STIM1: variants seen among roughly 807,000 people sequenced by gnomAD.
STIM1 encodes stromal interaction molecule 1.
Under a neutral mutation model 74.7 loss-of-function variants are expected in STIM1, and 25 were observed. That is an observed-to-expected ratio of 0.33 (90% CI 0.24 to 0.47). The LOEUF is 0.47. Among genes scored for constraint, STIM1 ranks in the 20% least tolerant of loss-of-function variants. The pLI is 1.00. For missense variants in STIM1, 728 were observed against 920.8 expected (o/e 0.79, Z 2.71); for synonymous variants, 328 against 348.8 (o/e 0.94, Z 0.66).
intron 2 of STIM1, among the ~76,000 whole-genome samples, chr11:4,016,966 T>G (rs1435072412): frequency 1.3e-5 from 2 of 152,210 alleles, no homozygotes; most frequent in Admixed American, 6.5e-5. Flanking sequence ...TTCCACCAGG[T>G]AGAGTCACTC....
At chr11:3,977,710 C>T (rs993201440) in intron 2 of STIM1, among the ~76,000 whole-genome samples, 6 of 152,092 alleles carry the variant, frequency 3.9e-5, no homozygotes, top group African/African-American at 1.4e-4. Flanking sequence ...GGCTTTGCCA[C>T]TTACTGGCTA....
chr11:4,049,975 CA>C (rs2133053813), intron 3 of STIM1, among the ~76,000 whole-genome samples: 1 of 152,228 alleles, frequency 6.6e-6, no homozygotes, highest in Non-Finnish European at 1.5e-5. Context: ...ACAATACTCT[CA>C]TAGACTAAGC....
chr11:3,900,595 GT>G (rs1214959627), intron 1 of STIM1, among the ~76,000 whole-genome samples: 5 of 152,164 alleles, frequency 3.3e-5, no homozygotes, highest in Non-Finnish European at 7.3e-5. Flanking sequence ...CTGTTTGTTT[GT>G]TTTTTGAGAC....
At chr11:3,954,911 A>C (rs1056920564) in intron 1 of STIM1, among the ~76,000 whole-genome samples, 1 of 152,240 alleles carries the variant, frequency 6.6e-6, no homozygotes, top group African/African-American at 2.4e-5. Context: ...TTGCTCAAGA[A>C]AAATGAAAAC....
At chr11:3,962,453 G>A (rs937767753) in intron 1 of STIM1, among the ~76,000 whole-genome samples, 41 of 147,532 alleles carry the variant, frequency 2.8e-4, no homozygotes, top group African/African-American at 8.8e-4. Flanking sequence ...TATTGTGTGT[G>A]TGTGTGTGTG....
At chr11:3,883,449 G>A (rs919004237) in intron 1 of STIM1, among the ~76,000 whole-genome samples, 2 of 152,144 alleles carry the variant, frequency 1.3e-5, no homozygotes, top group Non-Finnish European at 2.9e-5. Flanking sequence ...TCTGCCTTCC[G>A]TTCAAGCAGT....
intron 2 of STIM1, among the ~76,000 whole-genome samples, chr11:3,987,196 T>G (rs1565137707): frequency 6.6e-6 from 1 of 152,184 alleles, no homozygotes; most frequent in Non-Finnish European, 1.5e-5. Context: ...TTCAGAATAG[T>G]CAAACACATA....
At chr11:3,864,808 C>G (rs1012446459) in intron 1 of STIM1, among the ~76,000 whole-genome samples, 1 of 152,146 alleles carries the variant, frequency 6.6e-6, no homozygotes, top group African/African-American at 2.4e-5. Flanking sequence ...GGTTCTGTGG[C>G]CTTTTAGTTT....
chr11:4,041,468 T>C (rs1458315015), intron 3 of STIM1, among the ~76,000 whole-genome samples: 2 of 152,312 alleles, frequency 1.3e-5, no homozygotes, highest in East Asian at 3.9e-4. Flanking sequence ...ATTTTTATGA[T>C]GTGAAAACTC....
At chr11:4,012,418 TCTC>T (rs1238569811) in intron 2 of STIM1, among the ~76,000 whole-genome samples, 1 of 152,194 alleles carries the variant, frequency 6.6e-6, no homozygotes, top group East Asian at 1.9e-4. Flanking sequence ...TGTTTGTAGT[TCTC>T]CTTGAAGAGG....
chr11:4,067,488 AG>A (rs1329631340), intron 5 of STIM1, among the ~76,000 whole-genome samples: 1 of 152,236 alleles, frequency 6.6e-6, no homozygotes, highest in Non-Finnish European at 1.5e-5. Context: ...GGGCCATATT[AG>A]ACATCTCCAT....
chr11:3,948,215 A>G (rs2093103044), intron 1 of STIM1, among the ~76,000 whole-genome samples: 1 of 152,182 alleles, frequency 6.6e-6, no homozygotes, highest in Non-Finnish European at 1.5e-5. Flanking sequence ...AAAGTATTAG[A>G]CATGAAAAGC....
At chr11:4,018,065 A>C (rs2093915883) in intron 2 of STIM1, among the ~76,000 whole-genome samples, 1 of 152,256 alleles carries the variant, frequency 6.6e-6, no homozygotes, top group Non-Finnish European at 1.5e-5. Flanking sequence ...CTATAATCCC[A>C]GCACTTTGGG....
intron 1 of STIM1, among the ~76,000 whole-genome samples, chr11:3,906,818 G>C (rs948337850): frequency 2.6e-5 from 4 of 152,128 alleles, no homozygotes; most frequent in African/African-American, 7.2e-5. Context: ...GCAATAAGTA[G>C]ATGTCTTACC....
intron 2 of STIM1, chr11:3,974,225 TG>T (rs1366878189): frequency 2.3e-6 from 1 of 432,690 alleles, no homozygotes; most frequent in Non-Finnish European, 4.2e-6. Flanking sequence ...TAAGAGACTC[TG>T]TCTTAGACAT....
In STIM1 at chr11:3,972,326, G is replaced by A. The variant is rs7107689; in HGVS notation, c.270+4644G>A. Among the ~76,000 whole-genome samples the A allele has an allele frequency of 7.7e-3, 1,165 of 152,202 alleles. 15 individuals carry two copies. Among genetic ancestry groups the A allele is most frequent in the African/African-American group, 0.024 (985 of 41,524 alleles). On this transcript the variant is annotated intron_variant, in intron 2 of 12. Coordinates refer to ENST00000526596, the MANE Select transcript of STIM1 (RefSeq NM_001382567.1). ...ATTGTGACTAGAGTGTTAACTTTTC[G>A]TTGTATGAATCAAAGCATGTCTTCA...
At chr11:3,976,146 A>C (rs1431876502) in intron 2 of STIM1, among the ~76,000 whole-genome samples, 4 of 152,256 alleles carry the variant, frequency 2.6e-5, no homozygotes, top group African/African-American at 9.6e-5. Flanking sequence ...TAAAGGCATG[A>C]ATTTTTTGGA....
At chr11:3,933,161 C>T (rs12222250) in intron 1 of STIM1, among the ~76,000 whole-genome samples, 6,452 of 152,220 alleles carry the variant, frequency 0.042, 258 homozygotes, top group East Asian at 0.18. Flanking sequence ...AAAGTCTTAG[C>T]GGCTGGCTAT....
Position 4,085,398 on chromosome 11 carries a change from CA to C in STIM1, c.1567+636del, listed in dbSNP as rs142518014. 2.4e-3 allele frequency among the ~76,000 whole-genome samples: 359 copies of C among 152,254 alleles called. 1 individual carries two copies. Among genetic ancestry groups the C allele is most frequent in the African/African-American group, 7.9e-3 (328 of 41,548 alleles). On this transcript the variant is annotated intron_variant, in intron 11 of 12. Transcript: ENST00000526596. The stretch of plus-strand genomic sequence containing the variant: ...ACTCTCTTTTAGCTGGGAGTGAGCC[CA>C]AAGGGGGATGCACTAGCATATTCCT...
Sources: allele counts gnomAD v4.1 joint callset (sites outside exome capture counted in the v4.1 genomes callset), GRCh38; gene constraint gnomAD v4.1.1; transcripts MANE v1.5; gene names NCBI Gene and HGNC (gene_info 2026-07-23, HGNC 2026-07-21).